The following KIFAP3 variants were observed in gnomAD, a reference collection of about 807,000 sequenced individuals.
KIFAP3 encodes kinesin-associated protein 3.
KIFAP3 carries 68 observed loss-of-function variants against 106.5 expected under a neutral mutation model. That is an observed-to-expected ratio of 0.64 (90% CI 0.53 to 0.78). The LOEUF is 0.78. Ranked by LOEUF, KIFAP3 falls within the 30% of genes least tolerant of loss-of-function variation. The pLI, the probability that KIFAP3 is intolerant of heterozygous loss-of-function variation, is 0.00. For synonymous variants in KIFAP3, 320 were observed against 311.5 expected (o/e 1.03, Z -0.29); for missense variants, 780 against 941.8 (o/e 0.83, Z 2.25).
chr1:170,042,234 G>T (rs1670019011), intron 3 of KIFAP3, among the ~76,000 whole-genome samples: 1 of 152,074 alleles, frequency 6.6e-6, no homozygotes, highest in African/African-American at 2.4e-5. Context: ...TGCAAAACTG[G>T]GCAGCTTTCA....
intron 15 of KIFAP3, among the ~76,000 whole-genome samples, chr1:169,981,521 T>C (rs1453531894): frequency 2.6e-5 from 4 of 152,218 alleles, no homozygotes; most frequent in Non-Finnish European, 4.4e-5. Context: ...ATTTTTCTGT[T>C]TTATTATTAA....
chr1:169,944,691 G>A (rs1267088066), intron 19 of KIFAP3, among the ~76,000 whole-genome samples: 1 of 152,150 alleles, frequency 6.6e-6, no homozygotes, highest in East Asian at 1.9e-4. Flanking sequence ...GAGACCCAAA[G>A]TAGTAGCTCC....
intron 19 of KIFAP3, among the ~76,000 whole-genome samples, chr1:169,938,852 A>G (rs1663948696): frequency 1.3e-5 from 2 of 152,220 alleles, no homozygotes. Flanking sequence ...TCAAAAGACT[A>G]TTCCAGTTAA....
At chr1:169,934,278 T>A (rs1206892027) in intron 19 of KIFAP3, among the ~76,000 whole-genome samples, 2 of 152,150 alleles carry the variant, frequency 1.3e-5, no homozygotes, top group Non-Finnish European at 1.5e-5. Flanking sequence ...CCGTGGCCAA[T>A]CGTTCTTTCC....
chr1:169,940,647 A>G (rs1374120661), intron 19 of KIFAP3, among the ~76,000 whole-genome samples: 12 of 152,218 alleles, frequency 7.9e-5, no homozygotes, highest in African/African-American at 2.7e-4. Context: ...GGTGGAGCTT[A>G]GGCAGTAAGG....
chr1:170,061,685 A>C (rs1671165669), intron 1 of KIFAP3, among the ~76,000 whole-genome samples: 1 of 152,194 alleles, frequency 6.6e-6, no homozygotes, highest in African/African-American at 2.4e-5. Flanking sequence ...AGGATTATAA[A>C]TCATGCTGCT....
intron 19 of KIFAP3, among the ~76,000 whole-genome samples, chr1:169,934,581 AG>A (rs1363083247): frequency 1.3e-5 from 2 of 152,152 alleles, no homozygotes; most frequent in African/African-American, 4.8e-5. Context: ...AAGTGCACAC[AG>A]GTCATGAAAA....
At chr1:169,931,985 C>A (rs1344070874) in intron 19 of KIFAP3, among the ~76,000 whole-genome samples, 1 of 152,132 alleles carries the variant, frequency 6.6e-6, no homozygotes, top group African/African-American at 2.4e-5. Context: ...TCACTTCCAG[C>A]CATCAGTTAT....
At chr1:169,963,654 T>C (rs648502) in intron 17 of KIFAP3, among the ~76,000 whole-genome samples, 142,496 of 152,092 alleles carry the variant, frequency 0.94, 66,834 homozygotes, top group East Asian at 1. Context: ...CACCACCACC[T>C]GGCTAATTTT....
chr1:170,033,190 T>C (rs1371363329), intron 7 of KIFAP3, among the ~76,000 whole-genome samples: 2 of 151,728 alleles, frequency 1.3e-5, no homozygotes, highest in Non-Finnish European at 3.0e-5. Context: ...CCTGAAAAGA[T>C]TCTAATTAAG....
intron 3 of KIFAP3, among the ~76,000 whole-genome samples, chr1:170,042,412 T>A (rs545205905): frequency 6.6e-6 from 1 of 152,194 alleles, no homozygotes; most frequent in Non-Finnish European, 1.5e-5. Flanking sequence ...GATCTCTCTG[T>A]GTGAAATCTG....
At chr1:169,930,296 C>T (rs1201719346) in intron 19 of KIFAP3, among the ~76,000 whole-genome samples, 2 of 152,304 alleles carry the variant, frequency 1.3e-5, no homozygotes, top group African/African-American at 4.8e-5. Flanking sequence ...CGTGTACTGT[C>T]ATGTACTTTA....
intron 19 of KIFAP3, among the ~76,000 whole-genome samples, chr1:169,937,146 C>T (rs1296324238): frequency 6.6e-6 from 1 of 151,250 alleles, no homozygotes; most frequent in African/African-American, 2.4e-5. Flanking sequence ...TTTAACTCAT[C>T]TCAAAAAATT....
In KIFAP3 at chr1:170,071,256, C is replaced by A. The variant is rs1293518046; in HGVS notation, c.32+3180G>T. 2.0e-5 allele frequency among the ~76,000 whole-genome samples: 3 copies of A among 152,104 alleles called. No individual in the cohort carries two copies. The East Asian group carries it at 5.8e-4, about 29-fold the overall frequency. On this transcript the variant is annotated intron_variant, in intron 1 of 19. Coordinates refer to ENST00000361580, the MANE Select transcript of KIFAP3 (RefSeq NM_014970.4). ...TAGGTATACACCAAAAGATACAAAACAAGTGTTCAAACAAAAACTTGTACA... is the reference window on the plus strand; with the variant it reads ...TAGGTATACACCAAAAGATACAAAAAAAGTGTTCAAACAAAAACTTGTACA...
At chr1:169,978,717 A>G (rs1460396987) in intron 15 of KIFAP3, among the ~76,000 whole-genome samples, 2 of 152,150 alleles carry the variant, frequency 1.3e-5, no homozygotes, top group Non-Finnish European at 2.9e-5. Flanking sequence ...AAAAAGCATA[A>G]TTGCTTATAG....
chr1:170,031,698 G>C (rs1669420073), intron 8 of KIFAP3, among the ~76,000 whole-genome samples, 188 bp downstream of exon 8: 1 of 151,516 alleles, frequency 6.6e-6, no homozygotes, highest in Non-Finnish European at 1.5e-5. Context: ...GAACTAAATG[G>C]GGAAAAATAG....
chr1:170,073,043 T>C (rs1021404483), intron 1 of KIFAP3, among the ~76,000 whole-genome samples: 1 of 152,022 alleles, frequency 6.6e-6, no homozygotes, highest in Non-Finnish European at 1.5e-5. Flanking sequence ...GGTACGATAA[T>C]GTTAAGAAAA....
chr1:169,998,707 C>T (rs1021020423), intron 10 of KIFAP3, among the ~76,000 whole-genome samples: 1 of 152,088 alleles, frequency 6.6e-6, no homozygotes, highest in Admixed American at 6.6e-5. Context: ...TCTTGTTACC[C>T]ACATATTATC....
At chr1:170,029,511 A>G (rs1669287507) in intron 8 of KIFAP3, among the ~76,000 whole-genome samples, 1 of 152,080 alleles carries the variant, frequency 6.6e-6, no homozygotes, top group Non-Finnish European at 1.5e-5. Flanking sequence ...AGAAGTGCTT[A>G]ATGGGAAATT....
Sources: gnomAD v4.1 joint callset for allele counts (sites outside exome capture counted in the v4.1 genomes callset) on GRCh38, gnomAD v4.1.1 for gene constraint, MANE v1.5 for transcripts, NCBI Gene and HGNC (gene_info 2026-07-23, HGNC 2026-07-21) for gene names.